Variants in WDFY4 observed in about 807,000 individuals in gnomAD.
WDFY4 encodes the protein WDFY family member 4, also known as WD repeat- and FYVE domain-containing protein 4.
In WDFY4, 169 loss-of-function variants were observed where a neutral mutation model predicts 351.9. The ratio of observed to expected loss-of-function variants is 0.48; its 90% CI spans 0.42 to 0.55. The LOEUF (loss-of-function observed/expected upper bound fraction) is 0.55, where lower values mean the gene tolerates loss of function less well. WDFY4 is among the 20% of genes least tolerant of loss of function. The pLI is 0.00. For synonymous variants in WDFY4, 1,622 were observed against 1,574.6 expected (o/e 1.03, Z -0.71); for missense variants, 3,803 against 3,935.6 (o/e 0.97, Z 0.90).
At chr10:48,947,135 C>A (rs1419686088) in intron 51 of WDFY4, among the ~76,000 whole-genome samples, 166 bp downstream of exon 51, 2 of 152,192 alleles carry the variant, frequency 1.3e-5, no homozygotes, top group Admixed American at 1.3e-4. Flanking sequence ...GATTCTGGCT[C>A]ACCAGCCAAG....
At chr10:48,698,608 G>A (rs770837959) in intron 1 of WDFY4, among the ~76,000 whole-genome samples, 1 of 152,150 alleles carries the variant, frequency 6.6e-6, no homozygotes, top group Non-Finnish European at 1.5e-5. Context: ...TGGGGGAGAC[G>A]GATTGAAGGT....
intron 39 of WDFY4, among the ~76,000 whole-genome samples, chr10:48,837,714 C>T (rs936556222): frequency 3.3e-5 from 5 of 152,102 alleles, no homozygotes; most frequent in African/African-American, 1.2e-4. Context: ...AAATAAGAAC[C>T]AGAGGAATGG....
intron 47 of WDFY4, among the ~76,000 whole-genome samples, chr10:48,920,012 G>C (rs1027350607): frequency 2.6e-5 from 4 of 151,910 alleles, no homozygotes; most frequent in African/African-American, 9.7e-5. Context: ...CCTCAACATA[G>C]TATTAGCAAA....
At chr10:48,832,537 C>T in intron 38 of WDFY4, 36 bp from the exon 39 acceptor site, 1 of 1,509,264 alleles carries the variant, frequency 6.6e-7, no homozygotes, top group Non-Finnish European at 8.9e-7. Context: ...TGTGCTCTCA[C>T]TTCACCTCTG....
Position 48,966,578 on chromosome 10 carries a change from G to A in WDFY4, c.8489G>A (p.Gly2830Glu). Residue 2830 changes from glycine (G) to glutamate (E), a missense_variant, in exon 55 of 62, where the codon GGA (glycine) becomes GAA (glutamate). Transcript: ENST00000325239. ...ACTGCAGCAGGGAAGCCTCTGCCTGGAAAGGATGTCTCCACCCCCGTGAGC... is the reference window on the plus strand; with the variant it reads ...ACTGCAGCAGGGAAGCCTCTGCCTGAAAAGGATGTCTCCACCCCCGTGAGC... ...ARTAAGKPLP[G>E]KDVSTPVSLP... 1 of 1,552,114 alleles carries A rather than the reference G, an allele frequency of 6.4e-7. No individual in the cohort carries two copies. Among genetic ancestry groups the A allele is most frequent in the Non-Finnish European group, 8.7e-7 (1 of 1,147,074 alleles).
intron 43 of WDFY4, among the ~76,000 whole-genome samples, chr10:48,883,248 GC>G (rs2070324856): frequency 6.6e-6 from 1 of 152,236 alleles, no homozygotes; most frequent in Admixed American, 6.5e-5. Context: ...TGCCTGGAGG[GC>G]CCCTGGTCCA....
chr10:48,973,839 A>G (rs1842436160), intron 57 of WDFY4, among the ~76,000 whole-genome samples: 1 of 152,234 alleles, frequency 6.6e-6, no homozygotes, highest in African/African-American at 2.4e-5. Context: ...CAGGCCCCAC[A>G]CAAGCCAAAC....
intron 35 of WDFY4, chr10:48,823,682 G>C: frequency 7.0e-6 from 7 of 999,204 alleles, no homozygotes; most frequent in Non-Finnish European, 7.2e-6. Flanking sequence ...AAGCTGCTGA[G>C]CTCCCTATGG....
chr10:48,828,378 G>C (rs2068074133), intron 36 of WDFY4, among the ~76,000 whole-genome samples: 1 of 152,206 alleles, frequency 6.6e-6, no homozygotes, highest in Non-Finnish European at 1.5e-5. Flanking sequence ...AATTGCACAG[G>C]TTGCACGCCC....
At chr10:48,728,991 G>A (rs189945706) in intron 7 of WDFY4, among the ~76,000 whole-genome samples, 45 of 152,330 alleles carry the variant, frequency 3.0e-4, no homozygotes, top group African/African-American at 1.1e-3. Context: ...AAGAGGAGCA[G>A]GACAGCCTAC....
chr10:48,713,447 G>A (rs752768673), intron 2 of WDFY4, among the ~76,000 whole-genome samples: 17 of 152,204 alleles, frequency 1.1e-4, no homozygotes, highest in Non-Finnish European at 2.1e-4. Context: ...ACTTGAATCT[G>A]CAGTAACTGC....
chr10:48,873,237 C>T (rs1260240618), intron 40 of WDFY4, among the ~76,000 whole-genome samples: 1 of 152,234 alleles, frequency 6.6e-6, no homozygotes, highest in East Asian at 1.9e-4. Flanking sequence ...CCAGTAGCCT[C>T]ATGGCTCTGA....
chr10:48,700,740 G>A (rs918950504), intron 1 of WDFY4, among the ~76,000 whole-genome samples: 1 of 152,230 alleles, frequency 6.6e-6, no homozygotes, highest in South Asian at 2.1e-4. Context: ...ATTAAATCAC[G>A]TTAGGTGGGC....
intron 13 of WDFY4, among the ~76,000 whole-genome samples, chr10:48,772,135 G>T (rs1272057805): frequency 2.0e-5 from 3 of 152,300 alleles, no homozygotes; most frequent in South Asian, 2.1e-4. Context: ...AGGGGTCCAG[G>T]TATGTGGGAT....
Position 48,939,409 on chromosome 10 carries a change from C to T in WDFY4, c.7587-2397C>T, listed in dbSNP as rs533828251. On this transcript the variant is annotated intron_variant, in intron 47 of 61. Coordinates refer to ENST00000325239, the MANE Select transcript of WDFY4 (RefSeq NM_001394531.1). ...GCAAGGATGATATGGCAAATCAGAG[C>T]GGCTTGCTGTCTTGCTCGGGGCCCC... Among the ~76,000 whole-genome samples, 5 of 152,286 alleles carry T rather than the reference C, an allele frequency of 3.3e-5. 1 individual carries two copies. In the South Asian group the frequency reaches 8.3e-4, roughly 25 times the overall value.
At chr10:48,982,324 T>C (rs774709452) in intron 61 of WDFY4, among the ~76,000 whole-genome samples, 185 bp from the exon 62 acceptor site, 50 of 151,628 alleles carry the variant, frequency 3.3e-4, no homozygotes, top group Non-Finnish European at 6.6e-4. Flanking sequence ...CTCAATGCTT[T>C]CCCCTCCCCC....
chr10:48,827,008 A>G (rs2068031131), intron 36 of WDFY4, 99 bp downstream of exon 36: 1 of 981,966 alleles, frequency 1.0e-6, no homozygotes, highest in Non-Finnish European at 1.5e-6. Context: ...TGTATAAATG[A>G]TATCATCCTT....
intron 39 of WDFY4, among the ~76,000 whole-genome samples, chr10:48,841,397 A>AT (rs546084851): frequency 1.1e-3 from 149 of 141,638 alleles, no homozygotes; most frequent in Middle Eastern, 3.6e-3. Flanking sequence ...ATCACAACTG[A>AT]TTTTTTTTTT....
At chr10:48,808,971 T>C (rs1215227975) in intron 28 of WDFY4, among the ~76,000 whole-genome samples, 2 of 152,260 alleles carry the variant, frequency 1.3e-5, no homozygotes, top group African/African-American at 4.8e-5. Flanking sequence ...TTTTCATTAC[T>C]TTTAATGCCA....
Sources: allele counts gnomAD v4.1 joint callset (sites outside exome capture counted in the v4.1 genomes callset), GRCh38; gene constraint gnomAD v4.1.1; transcripts MANE v1.5; gene names NCBI Gene and HGNC (gene_info 2026-07-23, HGNC 2026-07-21).